Variants in ADGRB3 observed in about 807,000 individuals in gnomAD.
ADGRB3 encodes the protein adhesion G protein-coupled receptor B3, also known as brain-specific angiogenesis inhibitor 3.
A neutral mutation model predicts 193.4 loss-of-function variants in ADGRB3; 37 were observed. The ratio of observed to expected loss-of-function variants is 0.19; its 90% CI spans 0.15 to 0.25. The LOEUF is 0.25. Among genes scored for constraint, ADGRB3 ranks in the 10% least tolerant of loss-of-function variants. The probability of loss-of-function intolerance (pLI) is 1.00; values close to 1 mark genes in which losing one functional copy is unlikely to be tolerated. For synonymous variants in ADGRB3, 690 were observed against 644.2 expected (o/e 1.07, Z -1.08); for missense variants, 1,637 against 1,852.9 (o/e 0.88, Z 2.14).
intron 20 of ADGRB3, among the ~76,000 whole-genome samples, chr6:69,305,045 T>G (rs940817296): frequency 6.6e-6 from 1 of 151,496 alleles, no homozygotes; most frequent in Non-Finnish European, 1.5e-5. Context: ...TGTTACTCTA[T>G]TTGAGCCTCA....
chr6:68,922,204 T>G (rs909173629), intron 3 of ADGRB3, among the ~76,000 whole-genome samples: 7 of 152,160 alleles, frequency 4.6e-5, no homozygotes, highest in African/African-American at 1.7e-4. Flanking sequence ...TCTCCAGTGC[T>G]GAGAATCCTG....
intron 20 of ADGRB3, among the ~76,000 whole-genome samples, chr6:69,310,146 AT>A (rs1768159858): frequency 6.6e-6 from 1 of 151,902 alleles, no homozygotes; most frequent in Non-Finnish European, 1.5e-5. Flanking sequence ...GGTAAGATCT[AT>A]TTTTGACTTA....
rs138804749 is a variant in ADGRB3 at position 69,303,270 on chromosome 6, A to G, written c.2815-21602A>G. Among the ~76,000 whole-genome samples, 446 of 151,932 alleles carry G rather than the reference A, an allele frequency of 2.9e-3. 4 individuals carry two copies. Among genetic ancestry groups the G allele is most frequent in the African/African-American group, 0.01 (428 of 41,488 alleles). ...AGAAAAACTGGTGCTGTATAGGAAC[A>G]TTTTTAGAGAAATAAAAAAGCGAAA... On this transcript the variant is annotated intron_variant, in intron 20 of 31. Coordinates refer to ENST00000370598, the MANE Select transcript of ADGRB3 (RefSeq NM_001704.3).
At chr6:68,999,154 A>C (rs1312076974) in intron 11 of ADGRB3, among the ~76,000 whole-genome samples, 1 of 152,198 alleles carries the variant, frequency 6.6e-6, no homozygotes, top group Non-Finnish European at 1.5e-5. Flanking sequence ...TTGGAAAACT[A>C]GTAGAACATA....
intron 3 of ADGRB3, among the ~76,000 whole-genome samples, chr6:68,689,029 C>G (rs1410745193): frequency 6.6e-6 from 1 of 151,904 alleles, no homozygotes; most frequent in African/African-American, 2.4e-5. Context: ...TGAGGAAACC[C>G]TTAGAGGGTG....
At chr6:68,886,904 A>G (rs1318449405) in intron 3 of ADGRB3, among the ~76,000 whole-genome samples, 2 of 151,920 alleles carry the variant, frequency 1.3e-5, no homozygotes, top group Non-Finnish European at 2.9e-5. Context: ...ATTGTAGAAT[A>G]ACATCATCCC....
intron 3 of ADGRB3, among the ~76,000 whole-genome samples, chr6:68,792,739 G>T (rs980493576): frequency 2.6e-5 from 4 of 152,012 alleles, no homozygotes; most frequent in African/African-American, 9.7e-5. Flanking sequence ...GTCTCTGTTG[G>T]GCAGAAACAA....
At chr6:68,844,402 A>G (rs9346251) in intron 3 of ADGRB3, among the ~76,000 whole-genome samples, 32,512 of 151,884 alleles carry the variant, frequency 0.21, 3,982 homozygotes, top group East Asian at 0.58. Context: ...AAATACAAAG[A>G]CATCCATTAT....
At chr6:68,789,061 A>G (rs1468433635) in intron 3 of ADGRB3, among the ~76,000 whole-genome samples, 1 of 151,892 alleles carries the variant, frequency 6.6e-6, no homozygotes, top group East Asian at 1.9e-4. Flanking sequence ...TGCACGTGAG[A>G]TGGGTTTCCT....
intron 17 of ADGRB3, among the ~76,000 whole-genome samples, chr6:69,175,576 G>GCA: frequency 6.6e-6 from 1 of 152,182 alleles, no homozygotes; most frequent in Admixed American, 6.5e-5. Flanking sequence ...CAGGTAATGT[G>GCA]ATGCCTCTGG....
At position 68,674,037 on chromosome 6, in the gene ADGRB3, C is replaced by T. The variant is rs186779588; in HGVS notation, c.757+34605C>T. On this transcript the variant is annotated intron_variant, in intron 3 of 31. Coordinates refer to ENST00000370598, the MANE Select transcript of ADGRB3 (RefSeq NM_001704.3). ...AGCCTTCAAAGTCCAAAGCCAAAGT[C>T]ATTTCTAAAGATCTCTATTATTTAG... 2.6e-3 allele frequency among the ~76,000 whole-genome samples: 389 copies of T among 152,216 alleles called. 3 individuals carry two copies. The highest frequency in any genetic ancestry group is 8.2e-3 in the African/African-American group (342 of 41,546).
intron 17 of ADGRB3, among the ~76,000 whole-genome samples, chr6:69,103,199 G>A (rs147959814): frequency 8.7e-4 from 132 of 152,242 alleles, no homozygotes; most frequent in African/African-American, 2.8e-3. Flanking sequence ...CACCTATCTT[G>A]AACTTTAGAG....
At chr6:69,125,274 C>G (rs2150331799) in intron 17 of ADGRB3, among the ~76,000 whole-genome samples, 3 of 152,200 alleles carry the variant, frequency 2.0e-5, no homozygotes, top group Middle Eastern at 6.8e-3. Context: ...TACAAGGAGC[C>G]CTCCCCAGAC....
chr6:69,006,388 A>C (rs1375923837), intron 11 of ADGRB3, among the ~76,000 whole-genome samples: 4 of 152,030 alleles, frequency 2.6e-5, no homozygotes, highest in Admixed American at 1.3e-4. Flanking sequence ...TGGAAAAAAA[A>C]CCCGCATTTA....
At chr6:69,035,038 T>A (rs1441285287) in intron 13 of ADGRB3, among the ~76,000 whole-genome samples, 1 of 152,086 alleles carries the variant, frequency 6.6e-6, no homozygotes. Flanking sequence ...AGAGTTGATG[T>A]GTTAATTTTA....
intron 15 of ADGRB3, among the ~76,000 whole-genome samples, chr6:69,059,655 A>G (rs2150306491): frequency 6.6e-6 from 1 of 152,294 alleles, no homozygotes; most frequent in Middle Eastern, 3.4e-3. Flanking sequence ...TTAGCAGATC[A>G]CAAAGCCTGA....
At chr6:69,113,845 G>C (rs1773445366) in intron 17 of ADGRB3, among the ~76,000 whole-genome samples, 1 of 152,128 alleles carries the variant, frequency 6.6e-6, no homozygotes, top group Non-Finnish European at 1.5e-5. Flanking sequence ...CTTTAAGTCT[G>C]ATTTAGATAG....
At chr6:68,758,722 T>C (rs1301344416) in intron 3 of ADGRB3, among the ~76,000 whole-genome samples, 1 of 152,156 alleles carries the variant, frequency 6.6e-6, no homozygotes, top group Non-Finnish European at 1.5e-5. Context: ...CTAGTTGAAA[T>C]GAATGATTAA....
intron 4 of ADGRB3, among the ~76,000 whole-genome samples, chr6:68,935,571 T>C (rs1174013987): frequency 1.3e-5 from 2 of 152,142 alleles, no homozygotes; most frequent in African/African-American, 4.8e-5. Flanking sequence ...TTAACTTAAG[T>C]AGTTAACTGC....
Sources: gnomAD v4.1 joint callset for allele counts (sites outside exome capture counted in the v4.1 genomes callset) on GRCh38, gnomAD v4.1.1 for gene constraint, MANE v1.5 for transcripts, NCBI Gene and HGNC (gene_info 2026-07-23, HGNC 2026-07-21) for gene names.